The following PBRM1 variants were observed in gnomAD, a reference collection of about 807,000 sequenced individuals.
PBRM1 encodes the protein protein polybromo-1.
PBRM1 carries 27 observed loss-of-function variants against 194.5 expected under a neutral mutation model. That is an observed-to-expected ratio of 0.14 (90% CI 0.10 to 0.19). The LOEUF (loss-of-function observed/expected upper bound fraction) is 0.19, where lower values mean the gene tolerates loss of function less well. Ranked by LOEUF, PBRM1 falls within the 10% of genes least tolerant of loss-of-function variation. PBRM1 has a pLI of 1.00. For missense variants in PBRM1, 1,466 were observed against 2,077.2 expected (o/e 0.71, Z 5.72); for synonymous variants, 655 against 693.2 (o/e 0.94, Z 0.87).
At chr3:52,676,644 G>GA (rs1170734280) in intron 2 of PBRM1, among the ~76,000 whole-genome samples, 5 of 152,154 alleles carry the variant, frequency 3.3e-5, no homozygotes, top group Non-Finnish European at 4.4e-5. Flanking sequence ...GGGCGCTGCT[G>GA]AAAAGATACC....
In PBRM1 at chr3:52,559,694, T is replaced by C. The variant is rs1302371843; in HGVS notation, c.4289-1281A>G. ...TACAGCTCCAGTCCTCCTTTAAGAATATGAAAGTCAAGCAATCAAAGGCCT... is the reference window on the plus strand; with the variant it reads ...TACAGCTCCAGTCCTCCTTTAAGAACATGAAAGTCAAGCAATCAAAGGCCT... On this transcript the variant is annotated intron_variant, in intron 25 of 29. Coordinates refer to ENST00000296302, the Ensembl canonical transcript of PBRM1. Among the ~76,000 whole-genome samples the C allele has an allele frequency of 2.6e-5, 4 of 152,108 alleles. No homozygotes were observed. The East Asian group carries it at 5.8e-4, about 22-fold the overall frequency.
At chr3:52,600,553 T>C (rs1417197900) in intron 17 of PBRM1, among the ~76,000 whole-genome samples, 1 of 152,246 alleles carries the variant, frequency 6.6e-6, no homozygotes, top group African/African-American at 2.4e-5. Flanking sequence ...AAAGTTCTCA[T>C]TCATATCCTG....
intron 26 of PBRM1, among the ~76,000 whole-genome samples, chr3:52,556,303 T>C (rs557515218): frequency 6.6e-6 from 1 of 152,216 alleles, no homozygotes; most frequent in Non-Finnish European, 1.5e-5. Context: ...ATAATCTCTC[T>C]ATACATAAGA....
intron 17 of PBRM1, among the ~76,000 whole-genome samples, chr3:52,602,144 C>T (rs1278852282): frequency 1.3e-5 from 2 of 152,136 alleles, no homozygotes; most frequent in Admixed American, 1.3e-4. Flanking sequence ...CTAAATGGGG[C>T]TCTCTTTGTG....
chr3:52,670,137 T>C (rs1469144308), intron 2 of PBRM1, among the ~76,000 whole-genome samples: 1 of 152,116 alleles, frequency 6.6e-6, no homozygotes, highest in Non-Finnish European at 1.5e-5. Flanking sequence ...CTGTAGACAA[T>C]TGAGAATTCA....
chr3:52,591,186 A>G (rs2092995719), intron 17 of PBRM1, among the ~76,000 whole-genome samples: 1 of 152,170 alleles, frequency 6.6e-6, no homozygotes, highest in Non-Finnish European at 1.5e-5. Context: ...TAGATATAGA[A>G]TTAAGTCATC....
At chr3:52,554,683 T>C in intron 27 of PBRM1, 41 bp downstream of exon 29, 1 of 1,487,836 alleles carries the variant, frequency 6.7e-7, no homozygotes, top group Non-Finnish European at 9.0e-7. Flanking sequence ...AAAGAGAATA[T>C]GAAGATGAGA....
intron 15 of PBRM1, among the ~76,000 whole-genome samples, chr3:52,612,184 C>T (rs1490531912): frequency 7.0e-6 from 1 of 141,910 alleles, no homozygotes; most frequent in African/African-American, 2.7e-5. Flanking sequence ...CACTTGAACC[C>T]AGGAGGCGGA....
chr3:52,630,961 T>C (rs1370491876), intron 11 of PBRM1, among the ~76,000 whole-genome samples: 1 of 152,154 alleles, frequency 6.6e-6, no homozygotes, highest in African/African-American at 2.4e-5. Context: ...ACAAAAATTG[T>C]TCAAAATTTT....
At chr3:52,666,311 G>T (rs1389985529) in intron 3 of PBRM1, among the ~76,000 whole-genome samples, 1 of 152,114 alleles carries the variant, frequency 6.6e-6, no homozygotes. Flanking sequence ...GGGAGGCCGA[G>T]GCAGGCAGAT....
Position 52,550,699 on chromosome 3 carries a change from A to G in PBRM1, c.4680+48T>C, listed in dbSNP as rs2878628. 649,565 of 1,582,072 alleles carry G rather than the reference A, an allele frequency of 0.41. 135,593 individuals are homozygous for G. The highest frequency in any genetic ancestry group is 0.53 in the Admixed American group (30,726 of 58,134). On this transcript the variant is annotated intron_variant, in intron 28 of 29. Coordinates refer to ENST00000296302, the Ensembl canonical transcript of PBRM1. ...AGACTCTGCACATGTTCTGAGAAGG[A>G]TAACTCGAATTCTGTCAAGTCCTAG... is the stretch of plus-strand genomic sequence containing the variant.
chr3:52,584,710 C>A (rs2092082208), intron 20 of PBRM1, among the ~76,000 whole-genome samples: 1 of 151,974 alleles, frequency 6.6e-6, no homozygotes, highest in Non-Finnish European at 1.5e-5. Flanking sequence ...CCTGCCCTGG[C>A]CTCCCAAAGT....
intron 27 of PBRM1, among the ~76,000 whole-genome samples, chr3:52,554,125 T>C (rs572307184): frequency 2.4e-4 from 37 of 152,330 alleles, no homozygotes; most frequent in Admixed American, 5.2e-4. Context: ...GGAACTCACA[T>C]ACAGAACACT....
chr3:52,670,319 A>C (rs1044226027), intron 2 of PBRM1, among the ~76,000 whole-genome samples: 2 of 152,214 alleles, frequency 1.3e-5, no homozygotes, highest in Non-Finnish European at 2.9e-5. Flanking sequence ...AAATACTTCT[A>C]ATTTCTAACA....
intron 17 of PBRM1, among the ~76,000 whole-genome samples, chr3:52,602,485 C>G (rs2094072838): frequency 6.6e-6 from 1 of 152,236 alleles, no homozygotes; most frequent in South Asian, 2.1e-4. Flanking sequence ...TCTTCCCCCA[C>G]AGCATGTGTA....
rs755241328 is a variant in PBRM1, at chr3:52,637,773, C to CAA, written c.1088-2960_1088-2959dup. Reference sequence around the variant, plus strand: ...CAAAACCATGTCTCTACTAAAAATACAAAAAAAAAAAAAAAAAAAAAAAAT... The same window carrying CAA: ...CAAAACCATGTCTCTACTAAAAATACAAAAAAAAAAAAAAAAAAAAAAAAAAT... On this transcript the variant is annotated intron_variant, in intron 10 of 29. Transcript: ENST00000296302. Among the ~76,000 whole-genome samples, 80 of 42,210 alleles carry CAA rather than the reference C, an allele frequency of 1.9e-3. 1 individual carries two copies. Among genetic ancestry groups the CAA allele is most frequent in the Admixed American group, 3.1e-3 (9 of 2,930 alleles). The allele number at this position is 42,210 out of a possible 152,430, so 27.7% of individuals were successfully genotyped here.
At chr3:52,580,356 T>C (rs1353720530) in intron 20 of PBRM1, among the ~76,000 whole-genome samples, 1 of 151,136 alleles carries the variant, frequency 6.6e-6, no homozygotes, top group Non-Finnish European at 1.5e-5. Context: ...ATGCTTTTTT[T>C]GTTGTTGTTG....
At chr3:52,622,646 C>T (rs1473353205) in intron 13 of PBRM1, among the ~76,000 whole-genome samples, 1 of 152,148 alleles carries the variant, frequency 6.6e-6, no homozygotes, top group East Asian at 1.9e-4. Flanking sequence ...CCTCCGGAAC[C>T]CAACCCAATC....
intron 29 of PBRM1, 99 bp downstream of exon 31, chr3:52,550,322 A>G (rs935125088): frequency 2.1e-6 from 1 of 465,396 alleles, no homozygotes; most frequent in African/African-American, 2.0e-5. Flanking sequence ...ATTGTATAAG[A>G]AAAAGGGGTG....
Sources: gnomAD v4.1 joint callset for allele counts (sites outside exome capture counted in the v4.1 genomes callset) on GRCh38, gnomAD v4.1.1 for gene constraint, MANE v1.5 for transcripts, NCBI Gene and HGNC (gene_info 2026-07-23, HGNC 2026-07-21) for gene names.